MEIOB: variants seen among roughly 807,000 people sequenced by gnomAD.
MEIOB encodes meiosis-specific with OB domain-containing protein.
MEIOB carries 50 observed loss-of-function variants against 53.1 expected under a neutral mutation model. The observed-to-expected ratio is 0.94, with a 90% confidence interval of 0.75 to 1.19. The LOEUF (loss-of-function observed/expected upper bound fraction) is 1.19, where lower values mean the gene tolerates loss of function less well. Among genes scored for constraint, MEIOB ranks in the 50% most tolerant of loss-of-function variants. The pLI is 0.00. For missense variants in MEIOB, 551 were observed against 550.8 expected (o/e 1.00, Z 0.00); for synonymous variants, 192 against 182.5 (o/e 1.05, Z -0.42).
chr16:1,842,256 G>A (rs111899242), intron 10 of MEIOB, among the ~76,000 whole-genome samples: 12 of 152,106 alleles, frequency 7.9e-5, no homozygotes, highest in African/African-American at 2.7e-4. Flanking sequence ...GATGCTAGCA[G>A]TCTACAATGA....
At chr16:1,844,833 A>T (rs767852650) in intron 10 of MEIOB, 29 bp downstream of exon 10, 7 of 1,310,020 alleles carry the variant, frequency 5.3e-6, no homozygotes, top group Non-Finnish European at 7.6e-6. Context: ...CCTTTAAAAA[A>T]ATCCAAATAT....
At chr16:1,838,691 GT>G (rs879708755) in intron 12 of MEIOB, among the ~76,000 whole-genome samples, 12 of 148,494 alleles carry the variant, frequency 8.1e-5, no homozygotes, top group East Asian at 5.9e-4. Flanking sequence ...TTAGTGTTTT[GT>G]TTTTTTTTTA....
chr16:1,841,012 C>CTTTTTTTTTTTTTTTT (rs57826143), intron 11 of MEIOB: 9 of 106,458 alleles, frequency 8.5e-5, no homozygotes, highest in South Asian at 3.4e-4. Context: ...TCTTTTCTTT[C>CTTTTTTTTTTTTTTTT]TTTTTTTTTT....
Position 1,834,234 on chromosome 16 carries a change from G to C in MEIOB, c.*22C>G. ...GAGTTAAAACTCTTATACTTTTCCAGAGTTCAAAATGATAGACCGTTTTAA... is the reference window on the plus strand; with the variant it reads ...GAGTTAAAACTCTTATACTTTTCCACAGTTCAAAATGATAGACCGTTTTAA... On this transcript the variant is annotated 3_prime_UTR_variant, in exon 14 of 14. Coordinates refer to ENST00000325962, the MANE Select transcript of MEIOB (RefSeq NM_001163560.3). The C allele has an allele frequency of 7.8e-7, 1 of 1,289,048 alleles. No individual in the cohort carries two copies. The highest frequency in any genetic ancestry group is 1.1e-6 in the Non-Finnish European group (1 of 895,450). 79.9% of individuals were successfully genotyped at this position (1,289,048 alleles called of 1,614,324 possible).
intron 9 of MEIOB, among the ~76,000 whole-genome samples, chr16:1,845,818 C>T (rs1042256232): frequency 6.6e-6 from 1 of 152,148 alleles, no homozygotes; most frequent in Non-Finnish European, 1.5e-5. Context: ...GAAAGAGCTC[C>T]CCCATGATGC....
intron 10 of MEIOB, among the ~76,000 whole-genome samples, chr16:1,842,733 G>A (rs931463140): frequency 6.6e-6 from 1 of 150,704 alleles, no homozygotes; most frequent in South Asian, 2.1e-4. Flanking sequence ...GCGCGATCTC[G>A]GCTCACTGCA....
At chr16:1,835,365 T>G (rs1898715335) in intron 13 of MEIOB, among the ~76,000 whole-genome samples, 2 of 152,170 alleles carry the variant, frequency 1.3e-5, no homozygotes, top group Non-Finnish European at 2.9e-5. Context: ...TCTGTGAGAC[T>G]ACAGGAATAT....
rs411193 is a variant in MEIOB at position 1,857,945 on chromosome 16, C to T, written c.333-15G>A. ...GTTTACAGTTGCTAAATTGCAAAAA[C>T]ACAAGAAAGTTATTTGAAAGTGATC... is the stretch of plus-strand genomic sequence containing the variant. On this transcript the variant is annotated splice_polypyrimidine_tract_variant and intron_variant, in intron 5 of 13. Transcript: ENST00000325962. 0.84 allele frequency: 1,250,915 copies of T among 1,493,442 alleles called. 524,640 individuals carry two copies. Among genetic ancestry groups the T allele is most frequent in the Middle Eastern group, 0.88 (4,911 of 5,604 alleles). The allele number at this position is 1,493,442 out of a possible 1,614,324, so 92.5% of individuals were successfully genotyped here.
chr16:1,847,428 C>T (rs930365399), intron 9 of MEIOB, among the ~76,000 whole-genome samples: 1 of 151,968 alleles, frequency 6.6e-6, no homozygotes, highest in African/African-American at 2.4e-5. Context: ...TGCCACTGCA[C>T]TCCAGCCTAG....
At chr16:1,837,981 G>A (rs1392456842) in intron 12 of MEIOB, 111 bp from the exon 13 acceptor site, 7 of 1,441,618 alleles carry the variant, frequency 4.9e-6, no homozygotes, top group Non-Finnish European at 6.4e-6. Context: ...TTTATTTGCA[G>A]TAATTACAGC....
chr16:1,844,130 T>A, intron 10 of MEIOB, among the ~76,000 whole-genome samples: 1 of 150,692 alleles, frequency 6.6e-6, no homozygotes, highest in East Asian at 1.9e-4. Context: ...TTCTTTTTTT[T>A]TTTTTTTTTT....
At chr16:1,851,649 G>A (rs1047005227) in intron 9 of MEIOB, among the ~76,000 whole-genome samples, 2 of 151,972 alleles carry the variant, frequency 1.3e-5, no homozygotes, top group South Asian at 2.1e-4. Flanking sequence ...TGTGTTGGAT[G>A]TGCAAGATTC....
At chr16:1,856,687 C>T (rs1473286673) in intron 6 of MEIOB, among the ~76,000 whole-genome samples, 2 of 151,080 alleles carry the variant, frequency 1.3e-5, no homozygotes, top group Non-Finnish European at 2.9e-5. Flanking sequence ...GTCTCGAACT[C>T]CTGACCTTGT....
At chr16:1,840,792 C>T (rs11863940) in intron 11 of MEIOB, among the ~76,000 whole-genome samples, 1,861 of 152,132 alleles carry the variant, frequency 0.012, 30 homozygotes, top group African/African-American at 0.043. Context: ...CCTCGTGATC[C>T]ACCTGCCTTG....
Position 1,862,020 on chromosome 16 carries a change from T to G in MEIOB, c.224A>C (p.Lys75Thr), listed in dbSNP as rs1657125. The G allele has an allele frequency of 0.14, 220,796 of 1,550,704 alleles. 16,813 individuals are homozygous for G. The highest frequency in any genetic ancestry group is 0.3 in the East Asian group (12,218 of 40,862). ...AACCCTAAAGCTGTCAGAAAGAGAC[T>G]TGATGTAATCTTCATTGCCCCAGGA... ...AASWGNEDYIKSLSDSFRVGD... is the reference protein window; with the variant it reads ...AASWGNEDYITSLSDSFRVGD... Residue 75 changes from lysine to threonine, a missense_variant, in exon 4 of 14, where the codon AAG becomes ACG. Lys to Thr is a moderately conservative substitution (Grantham distance 78, BLOSUM62 -1). Coordinates refer to ENST00000325962, the MANE Select transcript of MEIOB (RefSeq NM_001163560.3).
chr16:1,861,612 GGCTC>G (rs1252291559), intron 4 of MEIOB, among the ~76,000 whole-genome samples: 1 of 133,780 alleles, frequency 7.5e-6, no homozygotes, highest in Non-Finnish European at 1.5e-5. Flanking sequence ...GTACGATGTT[GGCTC>G]GCTGCAACCT....
chr16:1,853,432 G>A (rs1019838347), intron 7 of MEIOB, among the ~76,000 whole-genome samples, 161 bp from the exon 8 acceptor site: 8 of 152,152 alleles, frequency 5.3e-5, no homozygotes, highest in Non-Finnish European at 8.8e-5. Context: ...CTTCCTCCTA[G>A]GGAGAATTTA....
chr16:1,845,776 G>A (rs938043185), intron 9 of MEIOB, among the ~76,000 whole-genome samples: 1 of 152,174 alleles, frequency 6.6e-6, no homozygotes, highest in African/African-American at 2.4e-5. Flanking sequence ...AGGGTCAGGG[G>A]TGCTGTGCCA....
At chr16:1,839,211 C>T in intron 12 of MEIOB, 44 bp downstream of exon 12, 1 of 1,495,446 alleles carries the variant, frequency 6.7e-7, no homozygotes, top group Non-Finnish European at 8.9e-7. Context: ...AAAAAGCATT[C>T]ACTTTGGAAA....
Sources: allele counts gnomAD v4.1 joint callset (sites outside exome capture counted in the v4.1 genomes callset), GRCh38; gene constraint gnomAD v4.1.1; transcripts MANE v1.5; gene names NCBI Gene and HGNC (gene_info 2026-07-23, HGNC 2026-07-21).